CMTM4: variants seen among roughly 807,000 people sequenced by gnomAD.
CMTM4 encodes the protein CKLF like MARVEL transmembrane domain containing 4.
Under a neutral mutation model 19.0 loss-of-function variants are expected in CMTM4, and 8 were observed. That is an observed-to-expected ratio of 0.42 (90% CI 0.25 to 0.76). CMTM4 has a LOEUF of 0.76. Among genes scored for constraint, CMTM4 ranks in the 30% least tolerant of loss-of-function variants. The pLI, the probability that CMTM4 is intolerant of heterozygous loss-of-function variation, is 0.27. For missense variants in CMTM4, 228 were observed against 290.2 expected (o/e 0.79, Z 1.56); for synonymous variants, 106 against 121.1 (o/e 0.88, Z 0.82).
downstream of CMTM4, chr16:66,609,880 C>T (rs1490784393): frequency 1.9e-6 from 3 of 1,614,084 alleles, no homozygotes; most frequent in African/African-American, 1.3e-5. This position sits in a 1 kb window ranked among gnomAD's most constrained non-coding sequence, Gnocchi z 4.4. Flanking sequence ...ACCCTGTCCA[C>T]AGGTGTTTGG....
rs1376629224 is a variant in CMTM4 at position 66,686,862 on chromosome 16, G to A, written c.186+9478C>T. Among the ~76,000 whole-genome samples the A allele has an allele frequency of 2.0e-5, 3 of 151,882 alleles. No individual in the cohort carries two copies. In the East Asian group the frequency reaches 5.8e-4, roughly 29 times the overall value. Reference sequence around the variant, plus strand: ...AGAAGAATCCAGGCTACACTCATGAGGACATTTATTGACGCATCTTCCTAA... The same window carrying A: ...AGAAGAATCCAGGCTACACTCATGAAGACATTTATTGACGCATCTTCCTAA... On this transcript the variant is annotated intron_variant, in intron 1 of 3. Transcript: ENST00000394106.
chr16:66,599,036 T>C, the CMTM4 span, among the ~76,000 whole-genome samples: 2 of 151,930 alleles, frequency 1.3e-5, no homozygotes, highest in African/African-American at 4.8e-5. Context: ...TCCCAGCACT[T>C]TGGGAGGCTA....
At chr16:66,642,801 G>T (rs1411171764) in intron 1 of CMTM4, among the ~76,000 whole-genome samples, 1 of 152,222 alleles carries the variant, frequency 6.6e-6, no homozygotes, top group East Asian at 1.9e-4. Context: ...ATGATTGGCA[G>T]CATCTAAAAG....
chr16:66,679,510 C>T (rs766545093), intron 1 of CMTM4, among the ~76,000 whole-genome samples: 4 of 152,004 alleles, frequency 2.6e-5, no homozygotes, highest in Non-Finnish European at 4.4e-5. Context: ...AAAACAGAAA[C>T]GGACCAAGTC....
At chr16:66,689,783 G>A (rs1253423839) in intron 1 of CMTM4, among the ~76,000 whole-genome samples, 1 of 151,960 alleles carries the variant, frequency 6.6e-6, no homozygotes. Flanking sequence ...TTTGTTCCTG[G>A]GATAAATCAA....
At position 66,616,362 on chromosome 16, in the gene CMTM4, A is replaced by G. The variant is rs1282346636; in HGVS notation, c.*5696T>C. 6.6e-6 allele frequency: 1 copy of G among 152,236 alleles called. No individual in the cohort carries two copies. The highest frequency in any genetic ancestry group is 1.9e-4 in the East Asian group (1 of 5,200). 9.4% of individuals were successfully genotyped at this position (152,236 alleles called of 1,614,324 possible). A position where few individuals can be genotyped will look rare whatever the true frequency, so the allele number is the denominator to read the frequency against. Reference sequence around the variant, plus strand: ...GGTTCCTGAACCCCTACAAATTTCAACATATACAAATAGTTTCAATTCCTA... The same window carrying G: ...GGTTCCTGAACCCCTACAAATTTCAGCATATACAAATAGTTTCAATTCCTA... On this transcript the variant is annotated 3_prime_UTR_variant, in exon 4 of 4. Coordinates refer to ENST00000394106, the MANE Select transcript of CMTM4 (RefSeq NM_181521.3).
At chr16:66,608,400 A>C in the CMTM4 span, 4 of 1,614,150 alleles carry the variant, frequency 2.5e-6, no homozygotes, top group South Asian at 4.4e-5. The surrounding 1 kb of genome is among the most constrained non-coding windows in gnomAD (Gnocchi z 5.1). Context: ...CTGGCCTTGT[A>C]CTTCCTCTTT....
At chr16:66,690,806 T>C (rs1438314801) in intron 1 of CMTM4, among the ~76,000 whole-genome samples, 2 of 152,116 alleles carry the variant, frequency 1.3e-5, no homozygotes, top group African/African-American at 2.4e-5. Flanking sequence ...GAGCTAAAAT[T>C]TGCATTTAAA....
intron 2 of CMTM4, among the ~76,000 whole-genome samples, chr16:66,635,046 T>G (rs1171669248): frequency 6.6e-6 from 1 of 152,214 alleles, no homozygotes; most frequent in African/African-American, 2.4e-5. Flanking sequence ...AGGATAGCAA[T>G]GAACAAGATG....
chr16:66,637,640 T>C (rs2016021767), intron 1 of CMTM4, among the ~76,000 whole-genome samples: 2 of 152,330 alleles, frequency 1.3e-5, no homozygotes, highest in East Asian at 1.9e-4. Context: ...TAGATATTGA[T>C]AGAAATTACC....
the CMTM4 span, chr16:66,605,559 C>A: frequency 6.6e-6 from 1 of 152,508 alleles, no homozygotes; most frequent in South Asian, 2.1e-4. The surrounding 1 kb of genome is among the most constrained non-coding windows in gnomAD (Gnocchi z 4.6). Context: ...CCGCACTGTC[C>A]GCTGTGGGGT....
Position 66,667,379 on chromosome 16 carries a change from C to A in CMTM4, c.186+28961G>T, listed in dbSNP as rs545011143. 1.2e-3 allele frequency among the ~76,000 whole-genome samples: 189 copies of A among 152,020 alleles called. 1 individual carries two copies. Among genetic ancestry groups the A allele is most frequent in the African/African-American group, 4.3e-3 (177 of 41,500 alleles). On this transcript the variant is annotated intron_variant, in intron 1 of 3. Coordinates refer to ENST00000394106, the MANE Select transcript of CMTM4 (RefSeq NM_181521.3). ...AAATAAAAGTTGTAAAATAAAATAA[C>A]AAACGTGAAGGTTTTATAAAGCAAT...
chr16:66,633,057 C>A (rs1221320196), intron 2 of CMTM4, among the ~76,000 whole-genome samples: 1 of 143,732 alleles, frequency 7.0e-6, no homozygotes, highest in African/African-American at 2.8e-5. Flanking sequence ...TGCATTCCAG[C>A]CTGGGCAACA....
chr16:66,613,003 G>C (rs1596891296), downstream of CMTM4: 1 of 701,462 alleles, frequency 1.4e-6, no homozygotes, highest in South Asian at 1.5e-5. Flanking sequence ...GGGGGTCGGG[G>C]GTCTTCTGTT....
intron 2 of CMTM4, among the ~76,000 whole-genome samples, chr16:66,630,648 T>C (rs2015837974): frequency 6.6e-6 from 1 of 151,978 alleles, no homozygotes; most frequent in Admixed American, 6.5e-5. Context: ...TGCTCAATGG[T>C]GCCCAGGCTG....
At position 66,621,930 on chromosome 16, in the gene CMTM4, C is replaced by G; in HGVS notation, c.*128G>C. ...CTGGGCCACTCGGGAAACCCTTTCCCAAAATGAACTTTTACCAAAGAGGAC... is the reference window on the plus strand; with the variant it reads ...CTGGGCCACTCGGGAAACCCTTTCCGAAAATGAACTTTTACCAAAGAGGAC... On this transcript the variant is annotated 3_prime_UTR_variant, in exon 4 of 4. Coordinates refer to ENST00000394106, the MANE Select transcript of CMTM4 (RefSeq NM_181521.3). The G allele has an allele frequency of 1.4e-6, 2 of 1,447,582 alleles. No individual in the cohort carries two copies. Among genetic ancestry groups the G allele is most frequent in the Non-Finnish European group, 9.1e-7 (1 of 1,099,842 alleles). The allele number at this position is 1,447,582 out of a possible 1,614,324, so 89.7% of individuals were successfully genotyped here. A position where few individuals can be genotyped will look rare whatever the true frequency, so the allele number is the denominator to read the frequency against.
chr16:66,629,277 G>A (rs1038720582), intron 2 of CMTM4, among the ~76,000 whole-genome samples: 1 of 152,194 alleles, frequency 6.6e-6, no homozygotes, highest in South Asian at 2.1e-4. Context: ...AGACAAGAAC[G>A]TTTGCAAGCA....
At chr16:66,687,622 G>GT (rs1343947600) in intron 1 of CMTM4, among the ~76,000 whole-genome samples, 12 of 151,406 alleles carry the variant, frequency 7.9e-5, no homozygotes, top group Admixed American at 2.6e-4. Context: ...GAGATATTCT[G>GT]TATCACTATC....
chr16:66,600,136 G>GTTT, the CMTM4 span, among the ~76,000 whole-genome samples: 3 of 135,152 alleles, frequency 2.2e-5, no homozygotes, highest in Admixed American at 7.8e-5. Flanking sequence ...GTGTGTGTGT[G>GTTT]TTTTTTTTTG....
Sources: gnomAD v4.1 joint callset for allele counts (sites outside exome capture counted in the v4.1 genomes callset) on GRCh38, gnomAD v4.1.1 for gene constraint, Gnocchi (gnomAD v3.1) non-coding constraint, MANE v1.5 for transcripts, NCBI Gene and HGNC (gene_info 2026-07-23, HGNC 2026-07-21) for gene names.